Variants in ADAD2 observed in about 807,000 individuals in gnomAD.
The protein encoded by ADAD2 is adenosine deaminase domain containing 2.
ADAD2 carries 60 observed loss-of-function variants against 54.5 expected under a neutral mutation model. The ratio of observed to expected loss-of-function variants is 1.10; its 90% CI spans 0.89 to 1.36. The LOEUF (loss-of-function observed/expected upper bound fraction) is 1.36. Among genes scored for constraint, ADAD2 ranks in the 40% most tolerant of loss-of-function variants. The pLI is 0.00. For synonymous variants in ADAD2, 543 were observed against 366.2 expected, an observed-to-expected ratio of 1.48 and a Z score of -5.51; for missense variants, 1,103 against 801.3, an observed-to-expected ratio of 1.38 and a Z score of -4.54.
At chr16:84,194,787 C>A in intron 2 of ADAD2, 146 bp from the exon 3 acceptor site, 2 of 1,262,744 alleles carry the variant, frequency 1.6e-6, no homozygotes, top group Non-Finnish European at 2.2e-6. Flanking sequence ...CTGGGGACAC[C>A]GGGGGTAGGG....
intron 1 of ADAD2, 102 bp downstream of exon 1, chr16:84,191,750 C>T (rs1488548432): frequency 6.6e-7 from 1 of 1,505,320 alleles, no homozygotes; most frequent in Non-Finnish European, 8.9e-7. Context: ...GGACCTTGGT[C>T]CCTATGCTCA....
chr16:84,194,983 A>G lies in ADAD2; in HGVS notation c.607+3A>G, dbSNP rs200508431. 38 of 1,597,380 alleles carry G rather than the reference A, an allele frequency of 2.4e-5. No homozygotes were observed. The African/African-American group carries it at 2.5e-4, about 10-fold the overall frequency. On this transcript the variant is annotated splice_donor_region_variant and intron_variant, in intron 3 of 9. Transcript: ENST00000315906. ...TCCACTGGCCCCCCTGAGCGTAGGT[A>G]GGTGAGCATTCCCGGACCCAGGCTT... is the stretch of plus-strand genomic sequence containing the variant.
At chr16:84,196,521 CCT>C (rs2089733264) in intron 8 of ADAD2, 124 bp from the exon 9 acceptor site, 4 of 1,548,588 alleles carry the variant, frequency 2.6e-6, no homozygotes, top group South Asian at 1.2e-5. Flanking sequence ...GGTGGCCACA[CCT>C]CTGTCTGCCC....
rs1567613012 is a variant in ADAD2, at chr16:84,194,804, A to G, written c.560-129A>G. ...GGGGACACCGGGGGTAGGGACCGCT[A>G]GAAGAGCAGCTCGTGTAATGTCCTG... On this transcript the variant is annotated intron_variant, in intron 2 of 9. Transcript: ENST00000315906. The G allele has an allele frequency of 4.0e-6, 5 of 1,265,618 alleles. No homozygotes were observed. The Admixed American group carries it at 7.0e-5, about 18-fold the overall frequency. The allele number at this position is 1,265,618 out of a possible 1,614,324, so 78.4% of individuals were successfully genotyped here.
rs557344800 is a variant in ADAD2, at chr16:84,191,492, G to A, written c.262G>A (p.Gly88Arg). 3.9e-6 allele frequency: 6 copies of A among 1,541,184 alleles called. No individual in the cohort carries two copies. In the African/African-American group the frequency reaches 8.2e-5, roughly 21 times the overall value. ...GGCAGCCCGGGCGTGGGAAAACTTGGGGGAACAGATGGGGAAGGCCCCGAG... is the reference window on the plus strand; with the variant it reads ...GGCAGCCCGGGCGTGGGAAAACTTGAGGGAACAGATGGGGAAGGCCCCGAG... The part of the protein sequence containing the change: ...LGAARAWENL[G>R]EQMGKAPRVP... The change falls in exon 1 of 10, where the codon GGG becomes AGG. Residue 88 changes from glycine to arginine, a missense_variant. Gly to Arg is a moderately radical substitution (Grantham distance 125). Coordinates refer to ENST00000315906, the MANE Select transcript of ADAD2 (RefSeq NM_001145400.2).
chr16:84,194,461 G>C lies in ADAD2; in HGVS notation c.438G>C (p.Ser146=), dbSNP rs149275516. The C allele has an allele frequency of 1.2e-5, 19 of 1,607,358 alleles. 1 individual carries two copies. The South Asian group carries it at 1.5e-4, about 13-fold the overall frequency. Residue 146 remains serine, a synonymous_variant, in exon 2 of 10, where the codon TCG becomes TCC. Transcript: ENST00000315906. ...CCCCAGGTCCCTGCTTCCCCTTCTC[G>C]GTGAGCGCGGAACTGGATGGGGTGG... is the stretch of plus-strand genomic sequence containing the variant. ...DQPPGPCFPF[S]VSAELDGVVC...
Position 84,196,257 on chromosome 16 carries a change from G to A in ADAD2, c.1413G>A (p.Pro471=), listed in dbSNP as rs1022671732. The A allele has an allele frequency of 6.2e-6, 10 of 1,612,462 alleles. No individual in the cohort carries two copies. Among genetic ancestry groups the A allele is most frequent in the Admixed American group, 5.0e-5 (3 of 59,982 alleles). The change falls in exon 8 of 10, where the codon CCG becomes CCA. Residue 471 remains proline, a synonymous_variant. Coordinates refer to ENST00000315906, the MANE Select transcript of ADAD2 (RefSeq NM_001145400.2). ...CCCTGCACCTGTTTGCAGGGCCCCC[G>A]GTGGCCCCTTCCGAACCCACCCCTG... ...RTALHLFAGP[P]VAPSEPTPDT...
chr16:84,196,533 C>G (rs1461950216), intron 8 of ADAD2, 114 bp from the exon 9 acceptor site: 1 of 1,553,062 alleles, frequency 6.4e-7, no homozygotes, highest in Non-Finnish European at 8.7e-7. Flanking sequence ...TCTGTCTGCC[C>G]TGTGAGTCCT....
chr16:84,195,862 G>T lies in ADAD2; in HGVS notation c.1100G>T (p.Arg367Leu). ...GGCCTCCCGCACAGCCCACCCATGC[G>T]CCTGCAGGCCCATGTGCTCGGGCAG... ...EGGLPHSPPM[R>L]LQAHVLGQLK... Residue 367 changes from arginine (R) to leucine (L), a missense_variant, in exon 7 of 10, where the codon CGC becomes CTC. Physicochemically the swap from Arg to Leu is moderately radical, Grantham distance 102. Transcript: ENST00000315906. 1 of 1,606,226 alleles carries T rather than the reference G, an allele frequency of 6.2e-7. No individual in the cohort carries two copies. Among genetic ancestry groups the T allele is most frequent in the South Asian group, 1.1e-5 (1 of 90,952 alleles).
At chr16:84,194,082 A>C (rs879119058) in intron 1 of ADAD2, 2 of 1,613,880 alleles carry the variant, frequency 1.2e-6, no homozygotes, top group South Asian at 2.2e-5. Context: ...AAGTGCTCAG[A>C]GCCTTCCTCC....
Position 84,196,746 on chromosome 16 carries a change from G to A in ADAD2, c.1626G>A (p.Leu542=). The A allele has an allele frequency of 1.2e-6, 2 of 1,612,474 alleles. No individual in the cohort carries two copies. Among genetic ancestry groups the A allele is most frequent in the Non-Finnish European group, 1.7e-6 (2 of 1,179,614 alleles). ...TGGGGAAGCCCTACCTCCTGGCCTTGAAGACCTACGAGGCTGCCAAGGTTG... is the reference window on the plus strand; with the variant it reads ...TGGGGAAGCCCTACCTCCTGGCCTTAAAGACCTACGAGGCTGCCAAGGTTG... ...RAVGKPYLLA[L]KTYEAAKAGP... is the part of the protein sequence containing the mutation. The change falls in exon 9 of 10, where the codon TTG becomes TTA. Residue 542 remains leucine, a synonymous_variant. Transcript: ENST00000315906.
At position 84,191,162 on chromosome 16, in the gene ADAD2, C is replaced by T; in HGVS notation, c.-69C>T. On this transcript the variant is annotated 5_prime_UTR_variant, in exon 1 of 10. Transcript: ENST00000315906. ...CGTGCTCCCCACGTGAAGGCACCCG[C>T]CCTGCGCGTGTGAAAGGGCGAGAGC... 1 of 1,550,184 alleles carries T rather than the reference C, an allele frequency of 6.5e-7. No individual in the cohort carries two copies. Among genetic ancestry groups the T allele is most frequent in the South Asian group, 1.2e-5 (1 of 84,380 alleles).
In ADAD2 at chr16:84,191,320, C is replaced by A. The variant is rs762669379; in HGVS notation, c.90C>A (p.Arg30=). ...AASLQISPQP[R]PWRPLPAQAQ... Reference sequence around the variant, plus strand: ...CGTTGCAGATCAGCCCCCAGCCCCGCCCCTGGCGACCGCTACCCGCCCAGG... The same window carrying A: ...CGTTGCAGATCAGCCCCCAGCCCCGACCCTGGCGACCGCTACCCGCCCAGG... The change falls in exon 1 of 10, where the codon CGC becomes CGA. Residue 30 remains arginine, a synonymous_variant. Transcript: ENST00000315906. 4.5e-5 allele frequency: 71 copies of A among 1,585,722 alleles called. No individual in the cohort carries two copies. The highest frequency in any genetic ancestry group is 5.7e-5 in the Non-Finnish European group (66 of 1,166,050).
At position 84,196,242 on chromosome 16, in the gene ADAD2, G is replaced by C. The variant is rs745854741; in HGVS notation, c.1398G>C (p.Leu466=). The C allele has an allele frequency of 3.1e-6, 5 of 1,612,342 alleles. No individual in the cohort carries two copies. In the South Asian group the frequency reaches 3.3e-5, roughly 11 times the overall value. Residue 466 remains leucine, a synonymous_variant, in exon 8 of 10, where the codon CTG becomes CTC. Coordinates refer to ENST00000315906, the MANE Select transcript of ADAD2 (RefSeq NM_001145400.2). The part of the protein sequence containing the change: ...PPPYVRTALH[L]FAGPPVAPSE... ...CCTACGTCCGGACCGCCCTGCACCTGTTTGCAGGGCCCCCGGTGGCCCCTT... is the reference window on the plus strand; with the variant it reads ...CCTACGTCCGGACCGCCCTGCACCTCTTTGCAGGGCCCCCGGTGGCCCCTT...
Position 84,196,957 on chromosome 16 carries a change from G to C in ADAD2, c.1735G>C (p.Gly579Arg). The C allele has an allele frequency of 6.2e-7, 1 of 1,603,682 alleles. No homozygotes were observed. Among genetic ancestry groups the C allele is most frequent in the Non-Finnish European group, 8.5e-7 (1 of 1,176,380 alleles). Residue 579 changes from glycine to arginine, a missense_variant, in exon 10 of 10, where the codon GGC (glycine) becomes CGC (arginine). Physicochemically the swap from Gly to Arg is moderately radical, Grantham distance 125. Coordinates refer to ENST00000315906, the MANE Select transcript of ADAD2 (RefSeq NM_001145400.2). ...GGCTTGGCCCTCGAAGCCACTGGTG[G>C]GCAAATTCAGAAACTGAAGCCAGCC... ...LGAWPSKPLV[G>R]KFRN
chr16:84,194,998 G>C lies in ADAD2; in HGVS notation c.607+18G>C, dbSNP rs774652751. On this transcript the variant is annotated intron_variant, in intron 3 of 9. Transcript: ENST00000315906. ...GAGCGTAGGTAGGTGAGCATTCCCG[G>C]ACCCAGGCTTGTAGTGTCGAGGGGA... The C allele has an allele frequency of 6.5e-7, 1 of 1,541,996 alleles. No homozygotes were observed. The highest frequency in any genetic ancestry group is 8.7e-7 in the Non-Finnish European group (1 of 1,151,896).
rs916428343 is a variant in ADAD2, at chr16:84,196,414, G to A, written c.1526+44G>A. 4 of 1,583,598 alleles carry A rather than the reference G, an allele frequency of 2.5e-6. No homozygotes were observed. The African/African-American group carries it at 5.4e-5, about 21-fold the overall frequency. ...GGCCGGGCTGTGGAGCAGTGCTGGT[G>A]ATGGAGGGCTCATGCATGAGCTTCC... On this transcript the variant is annotated intron_variant, in intron 8 of 9. Coordinates refer to ENST00000315906, the MANE Select transcript of ADAD2 (RefSeq NM_001145400.2).
In ADAD2 at chr16:84,195,161, A is replaced by G. The variant is rs781175629; in HGVS notation, c.700A>G (p.Lys234Glu). 3 of 1,613,354 alleles carry G rather than the reference A, an allele frequency of 1.9e-6. No homozygotes were observed. Among genetic ancestry groups the G allele is most frequent in the African/African-American group, 1.3e-5 (1 of 74,926 alleles). The change falls in exon 4 of 10, where the codon AAG becomes GAG. Residue 234 changes from lysine (K) to glutamate (E), a missense_variant. Coordinates refer to ENST00000315906, the MANE Select transcript of ADAD2 (RefSeq NM_001145400.2). Reference protein sequence around the residue: ...LDERSPYWACKGTVAGVILER... With the variant: ...LDERSPYWACEGTVAGVILER... ...CGAGCGCTCGCCATACTGGGCCTGT[A>G]AGGGGACTGTGGCTGGAGTCATCCT...
At chr16:84,192,821 G>C (rs2151326150) in intron 1 of ADAD2, 1 of 149,956 alleles carries the variant, frequency 6.7e-6, no homozygotes. Flanking sequence ...TGGGATTATA[G>C]GTTAGAGCCA....
Sources: gnomAD v4.1 joint callset for allele counts on GRCh38, gnomAD v4.1.1 for gene constraint, MANE v1.5 for transcripts, NCBI Gene and HGNC (gene_info 2026-07-23, HGNC 2026-07-21) for gene names.